TNFRSF11A: variants seen among roughly 807,000 people sequenced by gnomAD.
The protein encoded by TNFRSF11A is TNF receptor superfamily member 11a, also known as tumor necrosis factor receptor superfamily member 11A.
TNFRSF11A carries 32 observed loss-of-function variants against 55.7 expected under a neutral mutation model. The ratio of observed to expected loss-of-function variants is 0.57; its 90% CI spans 0.43 to 0.77. TNFRSF11A has a LOEUF of 0.77. Ranked by LOEUF, TNFRSF11A falls within the 30% of genes least tolerant of loss-of-function variation. The probability of loss-of-function intolerance (pLI) is 0.00; values close to 1 mark genes in which losing one functional copy is unlikely to be tolerated. For missense variants in TNFRSF11A, 753 were observed against 809.8 expected (o/e 0.93, Z 0.85); for synonymous variants, 311 against 331.0 (o/e 0.94, Z 0.65).
At chr18:62,356,349 G>A (rs1279272953) in intron 4 of TNFRSF11A, among the ~76,000 whole-genome samples, 1 of 152,124 alleles carries the variant, frequency 6.6e-6, no homozygotes, top group Non-Finnish European at 1.5e-5. Flanking sequence ...CTTACAAAAA[G>A]TCTGACTTGA....
intron 3 of TNFRSF11A, 113 bp downstream of exon 3, chr18:62,350,050 G>A: frequency 6.8e-7 from 1 of 1,479,636 alleles, no homozygotes; most frequent in Admixed American, 1.8e-5. Flanking sequence ...AACATGAAAG[G>A]AAGTTGTGAC....
Position 62,388,552 on chromosome 18 carries a change from A to C in TNFRSF11A, c.*3518A>C, listed in dbSNP as rs540255230. The C allele has an allele frequency of 1.3e-5, 2 of 152,384 alleles. No individual in the cohort carries two copies. The highest frequency in any genetic ancestry group is 1.9e-4 in the East Asian group (1 of 5,182). 9.4% of individuals were successfully genotyped at this position (152,384 alleles called of 1,614,324 possible). A position where few individuals can be genotyped will look rare whatever the true frequency, so the allele number is the denominator to read the frequency against. ...CACTGCGTGGAGTAAAATGCTGCAG[A>C]GAAGAGTGCATTCTGGGAAAAAAAG... On this transcript the variant is annotated 3_prime_UTR_variant, in exon 10 of 10. Coordinates refer to ENST00000586569, the MANE Select transcript of TNFRSF11A (RefSeq NM_003839.4).
chr18:62,346,344 T>C (rs907587493), intron 1 of TNFRSF11A, among the ~76,000 whole-genome samples: 39 of 152,378 alleles, frequency 2.6e-4, no homozygotes, highest in Admixed American at 2.3e-3. Context: ...TGCCTCTTTC[T>C]TCTGTGCATG....
intron 7 of TNFRSF11A, among the ~76,000 whole-genome samples, chr18:62,365,500 C>G (rs1039037188): frequency 1.3e-5 from 2 of 152,202 alleles, no homozygotes; most frequent in African/African-American, 2.4e-5. Context: ...CTCAGTGGGT[C>G]TGACACCTAG....
chr18:62,343,613 C>G (rs1425791848), intron 1 of TNFRSF11A, among the ~76,000 whole-genome samples: 1 of 152,112 alleles, frequency 6.6e-6, no homozygotes, highest in African/African-American at 2.4e-5. Flanking sequence ...CTCCCCCGCC[C>G]TCCGAAAGCC....
At chr18:62,339,492 G>A (rs962119038) in intron 1 of TNFRSF11A, among the ~76,000 whole-genome samples, 3 of 152,190 alleles carry the variant, frequency 2.0e-5, no homozygotes, top group African/African-American at 7.2e-5. Context: ...TCTTTCCAAT[G>A]CATTAGTTCT....
chr18:62,339,771 C>T (rs774438861), intron 1 of TNFRSF11A, among the ~76,000 whole-genome samples: 5 of 152,064 alleles, frequency 3.3e-5, no homozygotes, highest in African/African-American at 4.8e-5. Flanking sequence ...AATCATTTTT[C>T]GAGATAAAGG....
intron 1 of TNFRSF11A, among the ~76,000 whole-genome samples, chr18:62,346,210 T>C (rs915657257): frequency 1.3e-4 from 20 of 152,212 alleles, no homozygotes; most frequent in African/African-American, 4.8e-4. Context: ...TGAAATACAG[T>C]CCAACTTCAT....
chr18:62,371,607 T>C (rs1268173290), intron 9 of TNFRSF11A, among the ~76,000 whole-genome samples: 1 of 152,164 alleles, frequency 6.6e-6, no homozygotes, highest in East Asian at 1.9e-4. Flanking sequence ...AAAACATCCG[T>C]AGAGAGTCTG....
chr18:62,328,714 G>A (rs1354722161), intron 1 of TNFRSF11A, among the ~76,000 whole-genome samples: 1 of 152,202 alleles, frequency 6.6e-6, no homozygotes, highest in Admixed American at 6.5e-5. Flanking sequence ...CGAGAGGGGA[G>A]ACATGGATAT....
At chr18:62,335,081 C>T (rs1451903968) in intron 1 of TNFRSF11A, among the ~76,000 whole-genome samples, 4 of 151,316 alleles carry the variant, frequency 2.6e-5, no homozygotes, top group African/African-American at 4.9e-5. Context: ...TTCTGTGCTC[C>T]AGTTGGGTCC....
At chr18:62,358,470 G>A in intron 5 of TNFRSF11A, 129 bp downstream of exon 5, 1 of 882,474 alleles carries the variant, frequency 1.1e-6, no homozygotes, top group Non-Finnish European at 1.9e-6. Flanking sequence ...CGTTCAAAAT[G>A]GAAAAAGTCT....
chr18:62,367,068 T>C (rs989470372), intron 8 of TNFRSF11A, among the ~76,000 whole-genome samples: 1 of 152,196 alleles, frequency 6.6e-6, no homozygotes, highest in African/African-American at 2.4e-5. Context: ...CACGCTAGTC[T>C]CGAACTCCTG....
Position 62,348,268 on chromosome 18 carries a change from C to T in TNFRSF11A, c.157+19C>T. 3 of 1,608,344 alleles carry T rather than the reference C, an allele frequency of 1.9e-6. No homozygotes were observed. The highest frequency in any genetic ancestry group is 2.6e-6 in the Non-Finnish European group (3 of 1,174,846). On this transcript the variant is annotated intron_variant, in intron 2 of 9. Coordinates refer to ENST00000586569, the MANE Select transcript of TNFRSF11A (RefSeq NM_003839.4). ...GAACCAGGTACACCTGCTTCTGAGCCACCTTGCATTGCCCCTCAAAAGTGG... is the reference window on the plus strand; with the variant it reads ...GAACCAGGTACACCTGCTTCTGAGCTACCTTGCATTGCCCCTCAAAAGTGG...
chr18:62,366,466 A>G (rs755235853), intron 7 of TNFRSF11A, among the ~76,000 whole-genome samples: 6 of 152,178 alleles, frequency 3.9e-5, no homozygotes, highest in Non-Finnish European at 7.4e-5. Context: ...ATCATGTTGT[A>G]TCATATTCAA....
At chr18:62,348,058 CAAAAAAA>C (rs201661953) in intron 1 of TNFRSF11A, 103 bp from the exon 2 acceptor site, 17,527 of 640,264 alleles carry the variant, frequency 0.027, 91 homozygotes, top group Non-Finnish European at 0.034. Context: ...AAACTCCATT[CAAAAAAA>C]AAAAAAAAAA....
At chr18:62,351,890 G>A (rs748716349) in intron 3 of TNFRSF11A, among the ~76,000 whole-genome samples, 5 of 152,082 alleles carry the variant, frequency 3.3e-5, no homozygotes, top group Non-Finnish European at 5.9e-5. Flanking sequence ...TTGGCCTCCC[G>A]GGTTCAAACG....
chr18:62,385,077 C>G lies in TNFRSF11A; in HGVS notation c.*43C>G. ...GAGCCCGAAGCTCGGAGCCAGGGCT[C>G]GCGAGGGCAGCACCGCAGCCTCTGC... On this transcript the variant is annotated 3_prime_UTR_variant, in exon 10 of 10. Coordinates refer to ENST00000586569, the MANE Select transcript of TNFRSF11A (RefSeq NM_003839.4). 7.0e-7 allele frequency: 1 copy of G among 1,433,686 alleles called. No homozygotes were observed. Among genetic ancestry groups the G allele is most frequent in the Non-Finnish European group, 9.1e-7 (1 of 1,103,722 alleles). 88.8% of individuals were successfully genotyped at this position (1,433,686 alleles called of 1,614,324 possible). A position where few individuals can be genotyped will look rare whatever the true frequency, so the allele number is the denominator to read the frequency against.
At chr18:62,330,669 G>C (rs2046138734) in intron 1 of TNFRSF11A, 1 of 152,590 alleles carries the variant, frequency 6.6e-6, no homozygotes, top group Non-Finnish European at 1.5e-5. Flanking sequence ...TTGGGAAAGG[G>C]CCTGAATCAG....
Sources: gnomAD v4.1 joint callset for allele counts (sites outside exome capture counted in the v4.1 genomes callset) on GRCh38, gnomAD v4.1.1 for gene constraint, MANE v1.5 for transcripts, NCBI Gene and HGNC (gene_info 2026-07-23, HGNC 2026-07-21) for gene names.